FBN3: variants seen among roughly 807,000 people sequenced by gnomAD.
The protein encoded by FBN3 is fibrillin-3.
FBN3 carries 234 observed loss-of-function variants against 330.1 expected under a neutral mutation model. The observed-to-expected ratio is 0.71, with a 90% CI of 0.64 to 0.79. FBN3 has a LOEUF of 0.79. Ranked by LOEUF, FBN3 falls within the 30% of genes least tolerant of loss-of-function variation. The pLI is 0.00. For missense variants in FBN3, 3,606 were observed against 3,886.9 expected (o/e 0.93, Z 1.92); for synonymous variants, 1,458 against 1,517.3 (o/e 0.96, Z 0.91).
chr19:8,132,898 G>A (rs66925881), intron 14 of FBN3, 86 bp downstream of exon 14: 281,164 of 1,408,726 alleles, frequency 0.2, 31,083 homozygotes, highest in South Asian at 0.36. Flanking sequence ...TCCCATCCCC[G>A]TCCGGTCCCT....
intron 56 of FBN3, among the ~76,000 whole-genome samples, 166 bp from the exon 57 acceptor site, chr19:8,083,538 G>A (rs891105415): frequency 1.7e-4 from 26 of 152,058 alleles, no homozygotes; most frequent in African/African-American, 2.4e-4. Context: ...CTCAGGCTGC[G>A]GATGACACCT....
Position 8,126,526 on chromosome 19 carries a change from A to G in FBN3, c.2496T>C (p.Ser832=). ...EVNLQGASLR[S]ECCATLGAAW... is the part of the protein sequence containing the mutation. ...CTGCCCCGAGGGTGGCGCAGCACTC[A>G]GACCGCAGGCTGGCTCCCTGAAGGT... Residue 832 remains serine, a synonymous_variant, in exon 20 of 64, where the codon TCT becomes TCC. Transcript: ENST00000600128. 1 of 1,613,374 alleles carries G rather than the reference A, an allele frequency of 6.2e-7. No individual in the cohort carries two copies.
chr19:8,090,225 G>A lies in FBN3; in HGVS notation c.6058C>T (p.Arg2020Cys), dbSNP rs1033796889. Reference protein sequence around the residue: ...FDTRQSFCFTRFEAGKCSVPK... With the variant: ...FDTRQSFCFTCFEAGKCSVPK... ...ACCGAGCACTTCCCAGCCTCAAAAC[G>A]GGTGAAGCAGAAACTCTGCCGTGTG... is the stretch of plus-strand genomic sequence containing the variant. Residue 2020 changes from arginine to cysteine, a missense_variant, in exon 49 of 64, where the codon CGT (arginine) becomes TGT (cysteine). Transcript: ENST00000600128. The A allele has an allele frequency of 2.0e-5, 32 of 1,613,866 alleles. No homozygotes were observed. The highest frequency in any genetic ancestry group is 2.4e-5 in the Non-Finnish European group (28 of 1,180,000).
chr19:8,145,680 CAA>C (rs56250248), intron 5 of FBN3, among the ~76,000 whole-genome samples, 161 bp downstream of exon 5: 27,165 of 108,442 alleles, frequency 0.25, 4,250 homozygotes, highest in African/African-American at 0.53. Context: ...GACTCTGTCT[CAA>C]AAAAAAAAAA....
chr19:8,079,393 G>A (rs531545577), intron 59 of FBN3, among the ~76,000 whole-genome samples: 5 of 150,982 alleles, frequency 3.3e-5, no homozygotes, highest in Admixed American at 6.6e-5. Context: ...TTCCAGCCTG[G>A]GTGATGGAGC....
In FBN3 at chr19:8,095,446, T is replaced by C; in HGVS notation, c.5714A>G (p.Asn1905Ser). 6.2e-7 allele frequency: 1 copy of C among 1,613,952 alleles called. No homozygotes were observed. Among genetic ancestry groups the C allele is most frequent in the Non-Finnish European group, 8.5e-7 (1 of 1,179,896 alleles). ...GQVCRFGHCL[N>S]TAGSFHCLCQ... ...GAGGCAGTGGAAGGAACCAGCTGTG[T>C]TGAGGCAATGGCCAAATCGGCACAC... is the stretch of plus-strand genomic sequence containing the variant. The change falls in exon 46 of 64, where the codon AAC becomes AGC. Residue 1905 changes from asparagine (N) to serine (S), a missense_variant. Asn to Ser is a conservative substitution (Grantham distance 46). Coordinates refer to ENST00000600128, the MANE Select transcript of FBN3 (RefSeq NM_032447.5).
At chr19:8,097,694 T>C (rs1241339776) in intron 41 of FBN3, among the ~76,000 whole-genome samples, 1 of 152,164 alleles carries the variant, frequency 6.6e-6, no homozygotes, top group Non-Finnish European at 1.5e-5. Context: ...GAAATGGCCT[T>C]AAGCGTAAGC....
At chr19:8,102,177 T>C (rs767550633) in intron 40 of FBN3, among the ~76,000 whole-genome samples, 2 of 152,180 alleles carry the variant, frequency 1.3e-5, no homozygotes, top group Non-Finnish European at 2.9e-5. Context: ...CCCAGTTATG[T>C]GGAACTGCGA....
intron 45 of FBN3, among the ~76,000 whole-genome samples, chr19:8,095,738 T>C (rs966987902): frequency 4.6e-5 from 7 of 152,264 alleles, no homozygotes; most frequent in African/African-American, 1.7e-4. Flanking sequence ...AGCTGCATCC[T>C]ATGTATTTTC....
At position 8,093,324 on chromosome 19, in the gene FBN3, C is replaced by T. The variant is rs181514723; in HGVS notation, c.5905+1122G>A. ...CCATCATGGTGAAACCCCGTTTCTACTAAAAATACAAAAATTGGGCCTGGC... is the reference window on the plus strand; with the variant it reads ...CCATCATGGTGAAACCCCGTTTCTATTAAAAATACAAAAATTGGGCCTGGC... On this transcript the variant is annotated intron_variant, in intron 47 of 63. Coordinates refer to ENST00000600128, the MANE Select transcript of FBN3 (RefSeq NM_032447.5). 4.7e-3 allele frequency among the ~76,000 whole-genome samples: 712 copies of T among 151,942 alleles called. 1 individual carries two copies. Among genetic ancestry groups the T allele is most frequent in the Non-Finnish European group, 7.0e-3 (475 of 67,972 alleles).
Position 8,147,118 on chromosome 19 carries a change from C to A in FBN3, c.236G>T (p.Ser79Ile). 1.3e-6 allele frequency: 2 copies of A among 1,565,358 alleles called. No individual in the cohort carries two copies. The highest frequency in any genetic ancestry group is 2.4e-5 in the East Asian group (1 of 42,366). ...GTAGCACTCACGTACGACACACTGG[C>A]TCCTGCCAGGGAATGTCCTCCAGCC... is the stretch of plus-strand genomic sequence containing the variant. ...CPGWRTFPGR[S>I]QCVVPICRRA... The change falls in exon 3 of 64, where the codon AGC becomes ATC. Residue 79 changes from serine (S) to isoleucine (I), a missense_variant. Transcript: ENST00000600128.
At position 8,085,422 on chromosome 19, in the gene FBN3, C is replaced by G; in HGVS notation, c.7028G>C (p.Gly2343Ala). Residue 2343 changes from glycine to alanine, a missense_variant, in exon 56 of 64, where the codon GGC becomes GCC. Transcript: ENST00000600128. ...GCACAGCTTCCTGTAGGCAGAGGTGCCGGGCAGGGGACAGAGCTCGCAGCG... is the reference window on the plus strand; with the variant it reads ...GCACAGCTTCCTGTAGGCAGAGGTGGCGGGCAGGGGACAGAGCTCGCAGCG... ...GPRCELCPLP[G>A]TSAYRKLCPH... 6.3e-7 allele frequency: 1 copy of G among 1,577,280 alleles called. No homozygotes were observed. Among genetic ancestry groups the G allele is most frequent in the Non-Finnish European group, 8.6e-7 (1 of 1,163,844 alleles).
At chr19:8,143,803 CT>C (rs1349126560) in intron 6 of FBN3, among the ~76,000 whole-genome samples, 108 of 116,768 alleles carry the variant, frequency 9.2e-4, no homozygotes, top group African/African-American at 3.8e-3. Flanking sequence ...TCTTTTCTTT[CT>C]TTCTTTCTTT....
At chr19:8,108,107 G>C in intron 37 of FBN3, 63 bp downstream of exon 37, 1 of 1,443,398 alleles carries the variant, frequency 6.9e-7, no homozygotes, top group Non-Finnish European at 9.7e-7. Context: ...TTGGTGAGGT[G>C]GGGATGAGAG....
Position 8,067,245 on chromosome 19 carries a change from C to A in FBN3, c.8089-985G>T, listed in dbSNP as rs530302894. 2.0e-5 allele frequency among the ~76,000 whole-genome samples: 3 copies of A among 151,808 alleles called. No individual in the cohort carries two copies. The East Asian group carries it at 5.8e-4, about 30-fold the overall frequency. On this transcript the variant is annotated intron_variant, in intron 63 of 63. Coordinates refer to ENST00000600128, the MANE Select transcript of FBN3 (RefSeq NM_032447.5). Reference sequence around the variant, plus strand: ...GGTTCAAGTGATTATCCTGCCTCAGCCTCCCAAGTAGCTGGAATTACAGGT... The same window carrying A: ...GGTTCAAGTGATTATCCTGCCTCAGACTCCCAAGTAGCTGGAATTACAGGT...
At chr19:8,099,809 G>A (rs1019895238) in intron 41 of FBN3, among the ~76,000 whole-genome samples, 27 of 151,772 alleles carry the variant, frequency 1.8e-4, no homozygotes, top group African/African-American at 6.5e-4. Flanking sequence ...TCAGGAGTTC[G>A]AGACCAGCCT....
intron 26 of FBN3, 41 bp downstream of exon 26, chr19:8,118,856 T>C (rs371086632): frequency 3.8e-6 from 6 of 1,583,156 alleles, no homozygotes; most frequent in Non-Finnish European, 4.3e-6. Context: ...TTCACACACA[T>C]GGGCTAACAC....
chr19:8,131,235 C>T lies in FBN3; in HGVS notation c.2044G>A (p.Asp682Asn), dbSNP rs199635753. The T allele has an allele frequency of 6.2e-7, 1 of 1,608,524 alleles. No individual in the cohort carries two copies. Among genetic ancestry groups the T allele is most frequent in the Non-Finnish European group, 8.5e-7 (1 of 1,178,492 alleles). Reference protein sequence around the residue: ...SGLGITTDGRDINECALDPEV... With the variant: ...SGLGITTDGRNINECALDPEV... The stretch of plus-strand genomic sequence containing the variant: ...TTTGGAGGGGCTGGGCTCCACTTAC[C>T]TCGACCATCCGTGGTAATGCCAAGC... The change falls in exon 16 of 64, where the codon GAC (aspartate) becomes AAC (asparagine). Residue 682 changes from aspartate to asparagine, a missense_variant and splice_region_variant. By Grantham distance (23) the Asp-to-Asn change is conservative. Coordinates refer to ENST00000600128, the MANE Select transcript of FBN3 (RefSeq NM_032447.5). This position sits in a 1 kb window ranked among gnomAD's most constrained non-coding sequence, Gnocchi z 4.5.
At position 8,109,373 on chromosome 19, in the gene FBN3, T is replaced by C. The variant is rs1210139580; in HGVS notation, c.4472A>G (p.Asn1491Ser). 6.2e-7 allele frequency: 1 copy of C among 1,614,118 alleles called. No individual in the cohort carries two copies. The highest frequency in any genetic ancestry group is 1.3e-5 in the African/African-American group (1 of 75,026). ...GVGCVDTRAG[N>S]CFLETHDRGD... The stretch of plus-strand genomic sequence containing the variant: ...TCGGTCATGCGTCTCCAGGAAACAG[T>C]TCCCGGCCCGAGTGTCTGAACAGGC... Residue 1491 changes from asparagine (N) to serine (S), a missense_variant, in exon 36 of 64, where the codon AAC becomes AGC. By Grantham distance (46) the Asn-to-Ser change is conservative. Coordinates refer to ENST00000600128, the MANE Select transcript of FBN3 (RefSeq NM_032447.5). The surrounding 1 kb of genome is among the most constrained non-coding windows in gnomAD (Gnocchi z 5.2).
Sources: allele counts gnomAD v4.1 joint callset (sites outside exome capture counted in the v4.1 genomes callset), GRCh38; gene constraint gnomAD v4.1.1; non-coding constraint Gnocchi (gnomAD v3.1); transcripts MANE v1.5; gene names NCBI Gene and HGNC (gene_info 2026-07-23, HGNC 2026-07-21).